WWC1: variants seen among roughly 807,000 people sequenced by gnomAD.
The protein encoded by WWC1 is protein KIBRA.
A neutral mutation model predicts 138.4 loss-of-function variants in WWC1; 55 were observed. The observed-to-expected ratio is 0.40, with a 90% confidence interval of 0.32 to 0.50. The LOEUF (loss-of-function observed/expected upper bound fraction) is 0.50, where lower values mean the gene tolerates loss of function less well. WWC1 is among the 20% of genes least tolerant of loss of function. WWC1 has a pLI of 0.72. For missense variants in WWC1, 1,226 were observed against 1,420.4 expected (o/e 0.86, Z 2.20); for synonymous variants, 524 against 564.9 (o/e 0.93, Z 1.03).
intron 1 of WWC1, among the ~76,000 whole-genome samples, chr5:168,357,505 C>T (rs533520529): frequency 4.1e-4 from 61 of 149,876 alleles, no homozygotes; most frequent in African/African-American, 1.5e-3. Flanking sequence ...CGCGCGCGCA[C>T]GCATGCACGT....
chr5:168,453,816 G>T (rs1756051467), intron 17 of WWC1, 152 bp from the exon 18 acceptor site: 9 of 1,410,102 alleles, frequency 6.4e-6, no homozygotes, highest in Non-Finnish European at 7.5e-6. Flanking sequence ...AAAGTGCTGG[G>T]ATTACAGGTG....
intron 17 of WWC1, among the ~76,000 whole-genome samples, chr5:168,448,572 T>G (rs1561781665): frequency 6.6e-6 from 1 of 152,008 alleles, no homozygotes; most frequent in Non-Finnish European, 1.5e-5. Context: ...AGGGTGTGTG[T>G]TTTTTATATT....
intron 9 of WWC1, among the ~76,000 whole-genome samples, chr5:168,418,999 G>A (rs536764704): frequency 3.1e-4 from 47 of 152,266 alleles, no homozygotes; most frequent in African/African-American, 1.0e-3. Flanking sequence ...TGCTCCTGTT[G>A]CCTTGTCTGT....
At chr5:168,428,593 T>A (rs1194970387) in intron 12 of WWC1, 114 bp from the exon 13 acceptor site, 32 of 1,011,518 alleles carry the variant, frequency 3.2e-5, no homozygotes, top group Non-Finnish European at 4.2e-5. Flanking sequence ...AAAAAGGACC[T>A]GAAGGGAAGC....
At chr5:168,441,204 A>G (rs1754722178) in intron 15 of WWC1, among the ~76,000 whole-genome samples, 1 of 152,232 alleles carries the variant, frequency 6.6e-6, no homozygotes, top group East Asian at 1.9e-4. Context: ...TATATGAGGT[A>G]TCGAAAGTCA....
intron 15 of WWC1, among the ~76,000 whole-genome samples, chr5:168,432,086 A>G (rs1361278605): frequency 6.6e-6 from 1 of 151,914 alleles, no homozygotes; most frequent in Admixed American, 6.6e-5. Context: ...AATGAAAGCA[A>G]ACACATAGGC....
intron 1 of WWC1, among the ~76,000 whole-genome samples, chr5:168,342,873 G>A (rs1213678911): frequency 2.6e-5 from 4 of 152,158 alleles, no homozygotes; most frequent in Admixed American, 1.3e-4. Context: ...GGCCCCTCAA[G>A]CTGTTCCACA....
In WWC1 at chr5:168,292,400, G is replaced by T. The variant is rs922861331; in HGVS notation, c.119+129G>T. 9.4e-7 allele frequency: 1 copy of T among 1,068,284 alleles called. No homozygotes were observed. Among genetic ancestry groups the T allele is most frequent in the Non-Finnish European group, 1.3e-6 (1 of 756,732 alleles). 66.2% of individuals were successfully genotyped at this position (1,068,284 alleles called of 1,614,324 possible). On this transcript the variant is annotated intron_variant, in intron 1 of 22. Transcript: ENST00000265293. The surrounding 1 kb of genome is among the most constrained non-coding windows in gnomAD (Gnocchi z 4.4). ...GTGCCTCTTGAGCTCTCTTCAGTTC[G>T]CCACCCCCTGCTCCCCCCAACCTTC...
At chr5:168,391,794 T>TATATATATATGA (rs1778532235) in intron 3 of WWC1, among the ~76,000 whole-genome samples, 6 of 133,636 alleles carry the variant, frequency 4.5e-5, no homozygotes, top group Admixed American at 3.1e-4. Context: ...TATATATATA[T>TATATATATATGA]GATTAGGGAA....
chr5:168,338,504 C>T (rs992804768), intron 1 of WWC1, among the ~76,000 whole-genome samples: 7 of 150,868 alleles, frequency 4.6e-5, no homozygotes, highest in African/African-American at 7.3e-5. Context: ...CTCCGCCTCC[C>T]GGGTTCAAGC....
chr5:168,393,231 A>G (rs1394560346), intron 3 of WWC1, among the ~76,000 whole-genome samples: 2 of 152,230 alleles, frequency 1.3e-5, no homozygotes, highest in Non-Finnish European at 2.9e-5. Flanking sequence ...AACATTTCCC[A>G]GAACTGAAGG....
In WWC1 at chr5:168,423,609, G is replaced by T. The variant is rs1240053043; in HGVS notation, c.1351G>T (p.Ala451Ser). The T allele has an allele frequency of 6.2e-7, 1 of 1,614,120 alleles. No individual in the cohort carries two copies. Among genetic ancestry groups the T allele is most frequent in the East Asian group, 2.2e-5 (1 of 44,870 alleles). Residue 451 changes from alanine (A) to serine (S), a missense_variant, in exon 11 of 23, where the codon GCA becomes TCA. This residue lies in a region of WWC1 where 1,016 missense variants were observed against 1,153.9 expected (regional missense o/e 0.88). Transcript: ENST00000265293. ...CACGTCCAGCCGGGGCTCCCTGGTTGCATCCAGCCTGGACTCCTCCACTTC... is the reference window on the plus strand; with the variant it reads ...CACGTCCAGCCGGGGCTCCCTGGTTTCATCCAGCCTGGACTCCTCCACTTC... ...SLTSSRGSLV[A>S]SSLDSSTSAS...
At chr5:168,305,943 T>C (rs1423844073) in intron 1 of WWC1, among the ~76,000 whole-genome samples, 1 of 152,116 alleles carries the variant, frequency 6.6e-6, no homozygotes, top group African/African-American at 2.4e-5. Context: ...TTACAAACAT[T>C]TGTAGAGTTT....
intron 1 of WWC1, among the ~76,000 whole-genome samples, chr5:168,370,759 C>T (rs147047453): frequency 6.6e-6 from 1 of 152,344 alleles, no homozygotes; most frequent in East Asian, 1.9e-4. Context: ...TTGGTGATTA[C>T]TACCACTTTG....
At chr5:168,465,314 A>G (rs1757168196) in intron 21 of WWC1, among the ~76,000 whole-genome samples, 1 of 152,166 alleles carries the variant, frequency 6.6e-6, no homozygotes, top group African/African-American at 2.4e-5. Context: ...AAAGAGTAAC[A>G]ATAGGACACT....
At chr5:168,416,433 G>C (rs1381387061) in intron 9 of WWC1, 4 of 152,214 alleles carry the variant, frequency 2.6e-5, no homozygotes, top group African/African-American at 4.8e-5. Flanking sequence ...TTACGCTTTG[G>C]GGATAAGGCC....
At chr5:168,412,205 C>A in intron 8 of WWC1, 1 of 985,226 alleles carries the variant, frequency 1.0e-6, no homozygotes, top group African/African-American at 1.7e-5. Flanking sequence ...CACAGAGCTT[C>A]CTAGCTCATC....
At chr5:168,424,963 T>C (rs1781390383) in intron 11 of WWC1, among the ~76,000 whole-genome samples, 1 of 152,236 alleles carries the variant, frequency 6.6e-6, no homozygotes, top group Non-Finnish European at 1.5e-5. Flanking sequence ...AGAAAACCTT[T>C]TTATCTTTAG....
intron 1 of WWC1, among the ~76,000 whole-genome samples, chr5:168,334,580 T>C (rs1773304451): frequency 6.6e-6 from 1 of 151,946 alleles, no homozygotes; most frequent in South Asian, 2.1e-4. Context: ...CTCATGCTCC[T>C]GTGTGCTGCT....
Sources: gnomAD v4.1 joint callset for allele counts (sites outside exome capture counted in the v4.1 genomes callset) on GRCh38, gnomAD v4.1.1 for gene constraint, gnomAD v4.1.1 regional missense constraint, Gnocchi (gnomAD v3.1) non-coding constraint, MANE v1.5 for transcripts, NCBI Gene and HGNC (gene_info 2026-07-23, HGNC 2026-07-21) for gene names.